The following P2RX5 variants were observed in gnomAD, a reference collection of about 807,000 sequenced individuals.
The protein encoded by P2RX5 is P2X purinoceptor 5.
Under a neutral mutation model 54.1 loss-of-function variants are expected in P2RX5, and 46 were observed. That is an observed-to-expected ratio of 0.85 (90% CI 0.67 to 1.09). The LOEUF is 1.09. Among genes scored for constraint, P2RX5 ranks in the 50% least tolerant of loss-of-function variants. The pLI, the probability that P2RX5 is intolerant of heterozygous loss-of-function variation, is 0.00. For synonymous variants in P2RX5, 226 were observed against 226.4 expected (o/e 1.00, Z 0.02); for missense variants, 566 against 549.8 (o/e 1.03, Z -0.29).
In P2RX5 at chr17:3,691,671, A is replaced by AT. The variant is rs754977980; in HGVS notation, c.260dup (p.Asp87GlufsTer34). 69 of 1,614,074 alleles carry AT rather than the reference A, an allele frequency of 4.3e-5. 1 individual carries two copies. The highest frequency in any genetic ancestry group is 5.3e-5 in the Non-Finnish European group (63 of 1,180,042). On this transcript the variant is annotated frameshift_variant, in exon 2 of 12. Transcript: ENST00000225328. LOFTEE classifies it high-confidence loss of function. ...GGGCTGGAATGACGTAGTCGGCGACATCCCAGATCCGCTGCCCAAGATCCG... is the reference window on the plus strand; with the variant it reads ...GGGCTGGAATGACGTAGTCGGCGACATTCCCAGATCCGCTGCCCAAGATCCG...
Position 3,691,024 on chromosome 17 carries a change from C to G in P2RX5, c.292G>C (p.Glu98Gln), listed in dbSNP as rs1326523359. 1.9e-6 allele frequency: 3 copies of G among 1,611,760 alleles called. No homozygotes were observed. In the Admixed American group the frequency reaches 5.0e-5, roughly 27 times the overall value. ...TTGGTGACCACAAAAAAGACGTTCT[C>G]TCCCTAAGGAACCAGAGAGGCACTG... is the stretch of plus-strand genomic sequence containing the variant. Reference protein sequence around the residue: ...VADYVIPAQGENVFFVVTNLI... With the variant: ...VADYVIPAQGQNVFFVVTNLI... Residue 98 changes from glutamate to glutamine, a missense_variant, in exon 3 of 12, where the codon GAG becomes CAG. Transcript: ENST00000225328.
intron 10 of P2RX5, among the ~76,000 whole-genome samples, chr17:3,681,624 C>G (rs894496617): frequency 6.6e-6 from 1 of 152,228 alleles, no homozygotes; most frequent in Non-Finnish European, 1.5e-5. Flanking sequence ...ATAGAGAAAC[C>G]GAGGCCCGGG....
At chr17:3,698,589 GGA>G (rs1330503206), upstream of P2RX5, among the ~76,000 whole-genome samples, 1 of 152,138 alleles carries the variant, frequency 6.6e-6, no homozygotes, top group Non-Finnish European at 1.5e-5. Flanking sequence ...GTGTGCTACT[GGA>G]GAGGCTGAAC....
the P2RX5 span, among the ~76,000 whole-genome samples, chr17:3,704,040 T>A: frequency 9.5e-4 from 144 of 152,146 alleles, no homozygotes; most frequent in Middle Eastern, 3.4e-3. Flanking sequence ...AGGCAGAGGT[T>A]GTGGTGAGCT....
chr17:3,715,176 G>A, the P2RX5 span, among the ~76,000 whole-genome samples: 2 of 152,116 alleles, frequency 1.3e-5, no homozygotes, highest in African/African-American at 2.4e-5. Flanking sequence ...CTGCTCTCCC[G>A]AGCAGCTGAA....
chr17:3,684,628 G>C (rs1044819025), intron 9 of P2RX5, among the ~76,000 whole-genome samples: 4 of 97,308 alleles, frequency 4.1e-5, no homozygotes, highest in South Asian at 6.7e-4. Flanking sequence ...CAGGGTCTGG[G>C]AAAATATAGT....
At chr17:3,694,934 G>A (rs1236821701) in intron 1 of P2RX5, among the ~76,000 whole-genome samples, 2 of 152,174 alleles carry the variant, frequency 1.3e-5, no homozygotes, top group East Asian at 1.9e-4. Flanking sequence ...GGAGGAGGAC[G>A]GGCAGGCCTG....
chr17:3,680,251 C>T (rs2050219186), intron 10 of P2RX5, among the ~76,000 whole-genome samples: 1 of 142,048 alleles, frequency 7.0e-6, no homozygotes, highest in South Asian at 2.3e-4. Flanking sequence ...CAGCGTCCTC[C>T]ACCCTGCATC....
chr17:3,709,400 A>C, the P2RX5 span, among the ~76,000 whole-genome samples: 1 of 152,222 alleles, frequency 6.6e-6, no homozygotes, highest in Non-Finnish European at 1.5e-5. Flanking sequence ...TAATAAAAAA[A>C]CAAAGCAAGT....
Position 3,679,782 on chromosome 17 carries a change from C to A in P2RX5, c.1067G>T (p.Gly356Val), listed in dbSNP as rs954739987. ...GGCCTCCTGGGAACTGTCTTCTAGGCCCCTGGACAAGATACAAGCTGTTCA... is the reference window on the plus strand; with the variant it reads ...GGCCTCCTGGGAACTGTCTTCTAGGACCCTGGACAAGATACAAGCTGTTCA... The part of the protein sequence containing the change: ...YRDKKYEEVR[G>V]LEDSSQEAED... The change falls in exon 11 of 12, where the codon GGC becomes GTC. Residue 356 changes from glycine (G) to valine (V), a missense_variant and splice_region_variant. Gly to Val is a moderately radical substitution (Grantham distance 109). Coordinates refer to ENST00000225328, the MANE Select transcript of P2RX5 (RefSeq NM_002561.4). The A allele has an allele frequency of 5.0e-6, 8 of 1,609,220 alleles. No individual in the cohort carries two copies. The highest frequency in any genetic ancestry group is 6.8e-6 in the Non-Finnish European group (8 of 1,179,646).
the P2RX5 span, among the ~76,000 whole-genome samples, chr17:3,715,424 G>A: frequency 1.3e-5 from 2 of 152,192 alleles, no homozygotes; most frequent in Non-Finnish European, 2.9e-5. Context: ...AGCCAGCACA[G>A]AGGACTCAGG....
chr17:3,700,049 T>C (rs1026676772), upstream of P2RX5, among the ~76,000 whole-genome samples: 1 of 152,206 alleles, frequency 6.6e-6, no homozygotes, highest in Non-Finnish European at 1.5e-5. Flanking sequence ...GGCATTGTGA[T>C]GTGGAATATA....
At chr17:3,712,671 C>G in the P2RX5 span, among the ~76,000 whole-genome samples, 1 of 152,172 alleles carries the variant, frequency 6.6e-6, no homozygotes, top group Non-Finnish European at 1.5e-5. Context: ...TGGCCGGGCC[C>G]GGATTTGGCT....
the P2RX5 span, chr17:3,723,815 CGGCCCT>C: frequency 1.3e-5 from 21 of 1,570,328 alleles, no homozygotes; most frequent in Non-Finnish European, 1.8e-5. Flanking sequence ...GTCCCGGCCC[CGGCCCT>C]GGCGAGGTGC....
rs148422269 is a variant in P2RX5, at chr17:3,691,997, G to T, written c.138-203C>A. 8.0e-4 allele frequency: 485 copies of T among 605,386 alleles called. 2 individuals carry two copies. The highest frequency in any genetic ancestry group is 7.1e-3 in the African/African-American group (387 of 54,314). The allele number at this position is 605,386 out of a possible 1,614,324, so 37.5% of individuals were successfully genotyped here. A position where few individuals can be genotyped will look rare whatever the true frequency, so the allele number is the denominator to read the frequency against. ...ACCCAGTCCTGCAAGCAGCAGAGGC[G>T]ACAAGCAACCCTAGAGATGGGGGCC... On this transcript the variant is annotated intron_variant, in intron 1 of 11. Transcript: ENST00000225328.
chr17:3,690,770 C>T lies in P2RX5; in HGVS notation c.361-90G>A, dbSNP rs182646743. The T allele has an allele frequency of 3.9e-5, 53 of 1,372,402 alleles. 1 individual carries two copies. The East Asian group carries it at 4.9e-4, about 13-fold the overall frequency. The allele number at this position is 1,372,402 out of a possible 1,614,324, so 85.0% of individuals were successfully genotyped here. ...AGGAGATAGAATAGGGGTTCTTCTT[C>T]GGCCTGGCCCACACACACTCTGAGA... is the stretch of plus-strand genomic sequence containing the variant. On this transcript the variant is annotated intron_variant, in intron 3 of 11. Transcript: ENST00000225328.
At chr17:3,723,150 G>C in the P2RX5 span, 1 of 642,892 alleles carries the variant, frequency 1.6e-6, no homozygotes, top group Non-Finnish European at 2.8e-6. Flanking sequence ...GAACGGGTTG[G>C]GACAGAGGGT....
chr17:3,723,462 G>A, the P2RX5 span: 1 of 1,117,400 alleles, frequency 8.9e-7, no homozygotes. Context: ...CGGACACAGA[G>A]CATCGTAAGG....
intron 10 of P2RX5, among the ~76,000 whole-genome samples, chr17:3,680,250 C>T (rs563738188): frequency 9.4e-4 from 133 of 142,200 alleles, no homozygotes; most frequent in Non-Finnish European, 1.6e-3. Context: ...CCAGCGTCCT[C>T]CACCCTGCAT....
Sources: allele counts gnomAD v4.1 joint callset (sites outside exome capture counted in the v4.1 genomes callset), GRCh38; gene constraint gnomAD v4.1.1; transcripts MANE v1.5; gene names NCBI Gene and HGNC (gene_info 2026-07-23, HGNC 2026-07-21).